The following IGSF10 variants were observed in gnomAD, a reference collection of about 807,000 sequenced individuals.
IGSF10 encodes the protein calvaria mechanical force protein 608.
Under a neutral mutation model 128.2 loss-of-function variants are expected in IGSF10, and 126 were observed. That is an observed-to-expected ratio of 0.98 (90% CI 0.85 to 1.14). The LOEUF is 1.14. Among genes scored for constraint, IGSF10 ranks in the 50% most tolerant of loss-of-function variants. The probability of loss-of-function intolerance (pLI) is 0.00; values close to 1 mark genes in which losing one functional copy is unlikely to be tolerated. For missense variants in IGSF10, 3,295 were observed against 3,149.8 expected (o/e 1.05, Z -1.10); for synonymous variants, 1,185 against 1,146.2 (o/e 1.03, Z -0.68).
chr3:151,474,285 T>C, the IGSF10 span, among the ~76,000 whole-genome samples: 1 of 152,200 alleles, frequency 6.6e-6, no homozygotes, highest in South Asian at 2.1e-4. Context: ...AGGTGGGTGA[T>C]ACTGCTGTTT....
At chr3:151,462,331 G>A (rs1209731139), upstream of IGSF10, among the ~76,000 whole-genome samples, 1 of 152,150 alleles carries the variant, frequency 6.6e-6, no homozygotes, top group Non-Finnish European at 1.5e-5. Flanking sequence ...ATCCATCCCA[G>A]ACCCACTGAT....
At chr3:151,603,986 A>G in the IGSF10 span, among the ~76,000 whole-genome samples, 1 of 152,210 alleles carries the variant, frequency 6.6e-6, no homozygotes, top group Admixed American at 6.5e-5. Flanking sequence ...TTTCCACTGT[A>G]TATTTAATAT....
chr3:151,566,184 A>C, the IGSF10 span, among the ~76,000 whole-genome samples: 1 of 152,118 alleles, frequency 6.6e-6, no homozygotes, highest in Admixed American at 6.5e-5. Flanking sequence ...CTAGAAAATC[A>C]GAAATCTGAC....
chr3:151,465,888 T>C (rs1722265725), upstream of IGSF10, among the ~76,000 whole-genome samples: 1 of 152,138 alleles, frequency 6.6e-6, no homozygotes, highest in Non-Finnish European at 1.5e-5. Context: ...AATTGCTGAG[T>C]CTTGGCCAAT....
chr3:151,555,891 C>A, the IGSF10 span, among the ~76,000 whole-genome samples: 1 of 152,148 alleles, frequency 6.6e-6, no homozygotes, highest in Admixed American at 6.6e-5. Context: ...TAAAAAACAT[C>A]TCAAGGGGTT....
At chr3:151,506,100 C>G in the IGSF10 span, among the ~76,000 whole-genome samples, 1 of 152,128 alleles carries the variant, frequency 6.6e-6, no homozygotes, top group Non-Finnish European at 1.5e-5. Context: ...TACAGGCACA[C>G]GCCACTACGC....
the IGSF10 span, among the ~76,000 whole-genome samples, chr3:151,503,862 G>A: frequency 4.6e-5 from 7 of 151,990 alleles, no homozygotes; most frequent in African/African-American, 1.5e-4. Flanking sequence ...GCAGGGGGTC[G>A]AGTTCTTCTT....
chr3:151,503,015 A>G, the IGSF10 span, among the ~76,000 whole-genome samples: 1 of 152,120 alleles, frequency 6.6e-6, no homozygotes, highest in African/African-American at 2.4e-5. Context: ...GGACTCCATC[A>G]TCACTCTCAG....
the IGSF10 span, among the ~76,000 whole-genome samples, chr3:151,581,248 C>A: frequency 1.2e-4 from 18 of 152,238 alleles, 1 homozygote; most frequent in South Asian, 3.7e-3. Context: ...AGTTCAGCAA[C>A]CCCATTCAAC....
At chr3:151,495,519 T>C in the IGSF10 span, among the ~76,000 whole-genome samples, 1 of 152,070 alleles carries the variant, frequency 6.6e-6, no homozygotes, top group African/African-American at 2.4e-5. Context: ...CGTGACAACA[T>C]TAGAGATAAA....
chr3:151,519,989 A>G, the IGSF10 span, among the ~76,000 whole-genome samples: 1 of 151,842 alleles, frequency 6.6e-6, no homozygotes, highest in African/African-American at 2.4e-5. Flanking sequence ...TAAAAGTCCT[A>G]AAGAGTATAA....
At chr3:151,533,010 A>G in the IGSF10 span, among the ~76,000 whole-genome samples, 1 of 150,530 alleles carries the variant, frequency 6.6e-6, no homozygotes, top group African/African-American at 2.5e-5. Flanking sequence ...AAGCATTCCT[A>G]TACACCAATA....
the IGSF10 span, among the ~76,000 whole-genome samples, chr3:151,479,988 T>C: frequency 6.6e-6 from 1 of 152,198 alleles, no homozygotes; most frequent in East Asian, 1.9e-4. Context: ...TATCACACTT[T>C]TTTTTTTATC....
upstream of IGSF10, among the ~76,000 whole-genome samples, chr3:151,463,552 T>TTG (rs1722163882): frequency 1.8e-5 from 2 of 111,404 alleles, no homozygotes; most frequent in East Asian, 3.4e-4. Context: ...TTTTTTTTTT[T>TTG]TTTTTTTTTC....
the IGSF10 span, among the ~76,000 whole-genome samples, chr3:151,605,033 A>G: frequency 2.6e-5 from 4 of 152,202 alleles, no homozygotes; most frequent in Non-Finnish European, 2.9e-5. Context: ...TATTTTCTCA[A>G]TAAAACACAT....
upstream of IGSF10, among the ~76,000 whole-genome samples, chr3:151,464,798 G>A (rs961340955): frequency 6.6e-6 from 1 of 152,170 alleles, no homozygotes; most frequent in Non-Finnish European, 1.5e-5. Context: ...GACTAGCACG[G>A]TAAGTGATAA....
At chr3:151,490,059 T>G in the IGSF10 span, among the ~76,000 whole-genome samples, 1 of 152,118 alleles carries the variant, frequency 6.6e-6, no homozygotes, top group Non-Finnish European at 1.5e-5. Flanking sequence ...AATAATAACC[T>G]TTAATTTAAA....
In IGSF10 at chr3:151,436,662, A is replaced by AGAT; in HGVS notation, c.*24_*26dup. The AGAT allele has an allele frequency of 6.7e-7, 1 of 1,490,892 alleles. No homozygotes were observed. Among genetic ancestry groups the AGAT allele is most frequent in the South Asian group, 1.3e-5 (1 of 78,104 alleles). 92.4% of individuals were successfully genotyped at this position (1,490,892 alleles called of 1,614,324 possible). On this transcript the variant is annotated 3_prime_UTR_variant, in exon 8 of 8. Coordinates refer to ENST00000282466, the MANE Select transcript of IGSF10 (RefSeq NM_178822.5). ...TTCTTCCAAAAAATAAATTCTGCCC[A>AGAT]GATGTTGTTGACTTTATTATTTCAT...
At chr3:151,576,013 TTA>T in the IGSF10 span, among the ~76,000 whole-genome samples, 2 of 152,170 alleles carry the variant, frequency 1.3e-5, no homozygotes, top group Non-Finnish European at 2.9e-5. Flanking sequence ...AATTTATTGA[TTA>T]TGTTATTTTG....
Sources: allele counts gnomAD v4.1 joint callset (sites outside exome capture counted in the v4.1 genomes callset), GRCh38; gene constraint gnomAD v4.1.1; transcripts MANE v1.5; gene names NCBI Gene and HGNC (gene_info 2026-07-23, HGNC 2026-07-21).